Variants in MLXIP observed in about 807,000 individuals in gnomAD.
The protein encoded by MLXIP is MLX interacting protein.
MLXIP carries 30 observed loss-of-function variants against 87.2 expected under a neutral mutation model. The observed-to-expected ratio is 0.34, with a 90% confidence interval of 0.26 to 0.47. The LOEUF (loss-of-function observed/expected upper bound fraction) is 0.47. Ranked by LOEUF, MLXIP falls within the 20% of genes least tolerant of loss-of-function variation. The probability of loss-of-function intolerance (pLI) is 1.00; values close to 1 mark genes in which losing one functional copy is unlikely to be tolerated. For synonymous variants in MLXIP, 530 were observed against 514.0 expected (o/e 1.03, Z -0.42); for missense variants, 1,002 against 1,240.1 (o/e 0.81, Z 2.88).
At chr12:122,128,866 C>T in intron 3 of MLXIP, 2 of 436,624 alleles carry the variant, frequency 4.6e-6, no homozygotes, top group East Asian at 8.3e-5. Flanking sequence ...GCATTCTGCT[C>T]TCACCCTGTC....
intron 1 of MLXIP, among the ~76,000 whole-genome samples, chr12:122,097,265 A>T (rs1175997161): frequency 6.6e-6 from 1 of 152,024 alleles, no homozygotes; most frequent in Non-Finnish European, 1.5e-5. Flanking sequence ...CCCTGTGCTT[A>T]AGCAGTCCTG....
intron 1 of MLXIP, among the ~76,000 whole-genome samples, chr12:122,094,114 TTG>T (rs1189121142): frequency 1.6e-5 from 2 of 128,084 alleles, no homozygotes; most frequent in African/African-American, 5.9e-5. Context: ...GTGTGGTGTG[TTG>T]TGTGTGTTGG....
chr12:122,084,072 A>G (rs949057135), intron 1 of MLXIP, among the ~76,000 whole-genome samples: 1 of 152,014 alleles, frequency 6.6e-6, no homozygotes, highest in African/African-American at 2.4e-5. Flanking sequence ...ACAGATAGTT[A>G]TAGAACAGTT....
Position 122,144,233 on chromosome 12 carries a change from C to A in MLXIP, c.*2421C>A, listed in dbSNP as rs1424479653. ...GTTTACACTCATTTTCACCCTGATT[C>A]TTGCCCCCACTTTCATAAAAGAAAC... On this transcript the variant is annotated 3_prime_UTR_variant, in exon 17 of 17. Transcript: ENST00000319080. 1.3e-5 allele frequency: 2 copies of A among 152,490 alleles called. No homozygotes were observed. The allele number at this position is 152,490 out of a possible 1,614,324, so 9.4% of individuals were successfully genotyped here.
rs376243705 is a variant in MLXIP at position 122,142,277 on chromosome 12, G to T, written c.*465G>T. The T allele has an allele frequency of 1.4e-6, 1 of 692,344 alleles. No individual in the cohort carries two copies. Among genetic ancestry groups the T allele is most frequent in the Non-Finnish European group, 2.6e-6 (1 of 378,806 alleles). The allele number at this position is 692,344 out of a possible 1,614,324, so 42.9% of individuals were successfully genotyped here. A position where few individuals can be genotyped will look rare whatever the true frequency, so the allele number is the denominator to read the frequency against. ...CCCTGCTCCACTCTCTGGTCTGCCC[G>T]TGGGGCAGTTGGAAGGCGTCTTTCT... On this transcript the variant is annotated 3_prime_UTR_variant, in exon 17 of 17. Transcript: ENST00000319080.
chr12:122,081,549 G>C (rs1291316144), intron 1 of MLXIP, among the ~76,000 whole-genome samples: 1 of 152,194 alleles, frequency 6.6e-6, no homozygotes, highest in African/African-American at 2.4e-5. Context: ...AACGCGGGGC[G>C]TGGTGGCTCA....
intron 1 of MLXIP, among the ~76,000 whole-genome samples, chr12:122,126,843 C>A (rs1565980289): frequency 6.6e-6 from 1 of 152,190 alleles, no homozygotes; most frequent in Admixed American, 6.5e-5. Context: ...GGAAGGGAGG[C>A]TGGTCAAATG....
chr12:122,095,708 T>G (rs909034854), intron 1 of MLXIP, among the ~76,000 whole-genome samples: 19 of 151,946 alleles, frequency 1.3e-4, no homozygotes, highest in African/African-American at 4.6e-4. Flanking sequence ...CAAATTATCA[T>G]AGAAAATCAG....
chr12:122,104,841 A>G (rs1006884394), intron 1 of MLXIP, among the ~76,000 whole-genome samples: 3 of 152,018 alleles, frequency 2.0e-5, no homozygotes, highest in Non-Finnish European at 4.4e-5. Context: ...CGGCGTCTCA[A>G]AGTGCTAGGA....
intron 1 of MLXIP, among the ~76,000 whole-genome samples, chr12:122,097,310 A>G (rs904217398): frequency 2.4e-4 from 37 of 152,210 alleles, no homozygotes; most frequent in African/African-American, 8.7e-4. Flanking sequence ...GAGCCACTGC[A>G]CCCAGCCTTA....
At chr12:122,130,748 T>C (rs1952963498) in intron 6 of MLXIP, 96 bp from the exon 7 acceptor site, 2 of 847,476 alleles carry the variant, frequency 2.4e-6, no homozygotes, top group African/African-American at 3.3e-5. Flanking sequence ...CTCTGGGATG[T>C]GAGCAGGGCC....
At position 122,130,885 on chromosome 12, in the gene MLXIP, C is replaced by G; in HGVS notation, c.952C>G (p.Pro318Ala). ...NADMIQPGLIPLQPNLDFMDT... is the reference protein window; with the variant it reads ...NADMIQPGLIALQPNLDFMDT... ...AGACATGATCCAGCCGGGACTGATT[C>G]CTTTGCAGCCTAACCTGGACTTCAT... The change falls in exon 7 of 17, where the codon CCT becomes GCT. Residue 318 changes from proline to alanine, a missense_variant. Around this residue, in one of 3 missense-constraint regions of MLXIP, gnomAD observed 746 missense variants for 897.0 expected, o/e 0.83. Transcript: ENST00000319080. 1 of 1,613,790 alleles carries G rather than the reference C, an allele frequency of 6.2e-7. No individual in the cohort carries two copies. The highest frequency in any genetic ancestry group is 8.5e-7 in the Non-Finnish European group (1 of 1,179,766).
chr12:122,127,772 G>A (rs1952903861), intron 2 of MLXIP, 111 bp from the exon 3 acceptor site: 1 of 806,228 alleles, frequency 1.2e-6, no homozygotes, highest in African/African-American at 1.7e-5. Flanking sequence ...GAAGGAGAAG[G>A]AAAGGGTACC....
rs1025571811 is a variant in MLXIP at position 122,139,330 on chromosome 12, C to T, written c.2508+392C>T. 3.9e-5 allele frequency among the ~76,000 whole-genome samples: 6 copies of T among 152,320 alleles called. No individual in the cohort carries two copies. In the South Asian group the frequency reaches 6.2e-4, roughly 16 times the overall value. Reference sequence around the variant, plus strand: ...TGAGTGCCACCCCTGCTGTGACAGGCGGAAACCAGGACTCCCTCCACTGAG... The same window carrying T: ...TGAGTGCCACCCCTGCTGTGACAGGTGGAAACCAGGACTCCCTCCACTGAG... On this transcript the variant is annotated intron_variant, in intron 15 of 16. Transcript: ENST00000319080.
At chr12:122,132,151 T>G (rs1303284274) in intron 7 of MLXIP, 141 bp from the exon 8 acceptor site, 1 of 613,648 alleles carries the variant, frequency 1.6e-6, no homozygotes, top group African/African-American at 1.8e-5. Flanking sequence ...CTTGATCTCT[T>G]GACCTCATGA....
Position 122,133,051 on chromosome 12 carries a change from T to G in MLXIP, c.1093-297T>G. 1 of 336,336 alleles carries G rather than the reference T, an allele frequency of 3.0e-6. No individual in the cohort carries two copies. Among genetic ancestry groups the G allele is most frequent in the Non-Finnish European group, 5.4e-6 (1 of 184,856 alleles). 20.8% of individuals were successfully genotyped at this position (336,336 alleles called of 1,614,324 possible). Reference sequence around the variant, plus strand: ...TCAGTAATAGAAGATGGCAGAGACTTTGGGGAGACTCTGCTGGACTCCAGA... The same window carrying G: ...TCAGTAATAGAAGATGGCAGAGACTGTGGGGAGACTCTGCTGGACTCCAGA... On this transcript the variant is annotated intron_variant, in intron 8 of 16. Transcript: ENST00000319080. The surrounding 1 kb of genome is among the most constrained non-coding windows in gnomAD (Gnocchi z 4.9).
chr12:122,128,032 T>G (rs889325207), intron 3 of MLXIP, 64 bp downstream of exon 3: 5 of 1,414,354 alleles, frequency 3.5e-6, no homozygotes, highest in Admixed American at 1.7e-5. Flanking sequence ...CGGGAGTGGC[T>G]CACCGCGGGC....
chr12:122,107,230 A>G (rs578212070), intron 1 of MLXIP, among the ~76,000 whole-genome samples: 3 of 152,208 alleles, frequency 2.0e-5, no homozygotes, highest in African/African-American at 7.2e-5. Context: ...TTCAGGTGAC[A>G]GGACAGCTGT....
intron 1 of MLXIP, among the ~76,000 whole-genome samples, chr12:122,098,934 A>G (rs1451831552): frequency 6.6e-6 from 1 of 152,206 alleles, no homozygotes; most frequent in Non-Finnish European, 1.5e-5. Context: ...GTCTTAGGAC[A>G]GTGAGTTAAC....
Sources: gnomAD v4.1 joint callset for allele counts (sites outside exome capture counted in the v4.1 genomes callset) on GRCh38, gnomAD v4.1.1 for gene constraint, gnomAD v4.1.1 regional missense constraint, Gnocchi (gnomAD v3.1) non-coding constraint, MANE v1.5 for transcripts, NCBI Gene and HGNC (gene_info 2026-07-23, HGNC 2026-07-21) for gene names.